NBEA: variants seen among roughly 807,000 people sequenced by gnomAD.
NBEA encodes the protein neurobeachin, also known as lysosomal-trafficking regulator 2.
NBEA carries 44 observed loss-of-function variants against 343.4 expected under a neutral mutation model. The observed-to-expected ratio is 0.13, with a 90% confidence interval of 0.10 to 0.16. The LOEUF (loss-of-function observed/expected upper bound fraction) is 0.16. Among genes scored for constraint, NBEA ranks in the 10% least tolerant of loss-of-function variants. The pLI is 1.00. For synonymous variants in NBEA, 1,175 were observed against 1,238.7 expected (o/e 0.95, Z 1.08); for missense variants, 2,555 against 3,631.3 (o/e 0.70, Z 7.62).
At chr13:35,216,776 C>T (rs1040147300) in intron 33 of NBEA, among the ~76,000 whole-genome samples, 2 of 151,782 alleles carry the variant, frequency 1.3e-5, no homozygotes, top group African/African-American at 2.4e-5. Flanking sequence ...TTCTATGGTA[C>T]GGATGACAGT....
chr13:35,555,247 GA>G (rs1448809183), intron 44 of NBEA, 145 bp downstream of exon 44: 14 of 513,086 alleles, frequency 2.7e-5, no homozygotes, highest in Non-Finnish European at 4.1e-5. Flanking sequence ...AATTTTATCA[GA>G]AACTGTGCAA....
chr13:35,179,925 A>G, intron 28 of NBEA: 1 of 362,380 alleles, frequency 2.8e-6, no homozygotes, highest in Non-Finnish European at 3.8e-6. Context: ...TGCATTTTAA[A>G]CAGTTTGTAA....
At chr13:35,172,256 T>G (rs1278696677) in intron 26 of NBEA, among the ~76,000 whole-genome samples, 1 of 150,972 alleles carries the variant, frequency 6.6e-6, no homozygotes, top group African/African-American at 2.5e-5. Flanking sequence ...TGAAACCTTT[T>G]TTTGTTTGTT....
rs1750667783 is a variant in NBEA at position 35,535,428 on chromosome 13, G to A, written c.6586-15049G>A. On this transcript the variant is annotated intron_variant, in intron 41 of 58. Transcript: ENST00000379939. ...CAGGAAATAATCAGAGCTGATTGGA[G>A]CAATGTGACACACAGAACCAGAGAC... is the stretch of plus-strand genomic sequence containing the variant. Among the ~76,000 whole-genome samples the A allele has an allele frequency of 2.0e-5, 3 of 152,290 alleles. No homozygotes were observed. The South Asian group carries it at 6.2e-4, about 32-fold the overall frequency.
At chr13:35,623,000 C>A (rs78686580) in intron 48 of NBEA, among the ~76,000 whole-genome samples, 10,163 of 152,066 alleles carry the variant, frequency 0.067, 385 homozygotes, top group African/African-American at 0.09. Flanking sequence ...AAGAGATATC[C>A]TCTCTAGTTT....
chr13:35,493,055 A>G (rs981844910), intron 41 of NBEA, among the ~76,000 whole-genome samples: 28 of 151,998 alleles, frequency 1.8e-4, no homozygotes, highest in African/African-American at 6.8e-4. Context: ...AGATTAAGGT[A>G]CAGAATAGAT....
Position 35,109,396 on chromosome 13 carries a change from A to T in NBEA, c.1787A>T (p.Asp596Val). Residue 596 changes from aspartate (D) to valine (V), a missense_variant, in exon 12 of 59, where the codon GAT (aspartate) becomes GTT (valine). Coordinates refer to ENST00000379939, the MANE Select transcript of NBEA (RefSeq NM_001385012.1). ...HGAPLLKQLC[D>V]HILFNPAIWI... is the part of the protein sequence containing the mutation. ...GCACCTTTGCTGAAGCAGCTTTGTGATCACATTTTATTTAACCCAGCCATC... is the reference window on the plus strand; with the variant it reads ...GCACCTTTGCTGAAGCAGCTTTGTGTTCACATTTTATTTAACCCAGCCATC... The T allele has an allele frequency of 6.2e-7, 1 of 1,611,986 alleles. No homozygotes were observed.
chr13:35,541,554 G>A (rs1385953561), intron 41 of NBEA, among the ~76,000 whole-genome samples: 7 of 152,006 alleles, frequency 4.6e-5, no homozygotes, highest in South Asian at 4.1e-4. Context: ...GTTGGGCTTC[G>A]TAGTTAAGAG....
At chr13:35,351,717 T>C (rs1447760452) in intron 37 of NBEA, among the ~76,000 whole-genome samples, 1 of 152,028 alleles carries the variant, frequency 6.6e-6, no homozygotes, top group Non-Finnish European at 1.5e-5. Context: ...GACCACATTT[T>C]CTTCTGTATC....
intron 38 of NBEA, among the ~76,000 whole-genome samples, chr13:35,419,781 A>C (rs1228506032): frequency 9.9e-5 from 15 of 152,014 alleles, no homozygotes; most frequent in Admixed American, 9.8e-4. Context: ...AAGCTCTGAG[A>C]TAGATATCAG....
intron 34 of NBEA, among the ~76,000 whole-genome samples, chr13:35,271,820 G>A (rs2034181127): frequency 6.6e-6 from 1 of 152,132 alleles, no homozygotes; most frequent in Non-Finnish European, 1.5e-5. Flanking sequence ...AGAGTGAAAA[G>A]AAATGAACAA....
At chr13:35,518,598 T>C (rs1225368591) in intron 41 of NBEA, among the ~76,000 whole-genome samples, 1 of 152,200 alleles carries the variant, frequency 6.6e-6, no homozygotes, top group Non-Finnish European at 1.5e-5. Flanking sequence ...GTCATAATTA[T>C]GCCAGACGAT....
chr13:35,550,711 C>G, intron 42 of NBEA, 117 bp downstream of exon 42: 1 of 697,928 alleles, frequency 1.4e-6, no homozygotes, highest in Non-Finnish European at 2.4e-6. Context: ...CTAGCTTAAA[C>G]AAACAGAAAT....
intron 33 of NBEA, among the ~76,000 whole-genome samples, chr13:35,220,130 C>T (rs1259214608): frequency 6.6e-6 from 1 of 152,166 alleles, no homozygotes; most frequent in Non-Finnish European, 1.5e-5. Flanking sequence ...CCAGACAATG[C>T]ATGGCCCTTC....
At chr13:35,214,750 A>T (rs2073970058) in intron 33 of NBEA, among the ~76,000 whole-genome samples, 1 of 151,810 alleles carries the variant, frequency 6.6e-6, no homozygotes, top group Admixed American at 6.6e-5. Context: ...TTTGTAAATC[A>T]TAAGAAATCT....
intron 10 of NBEA, among the ~76,000 whole-genome samples, chr13:35,084,380 GT>G: frequency 6.6e-6 from 1 of 150,800 alleles, no homozygotes; most frequent in Admixed American, 6.6e-5. Flanking sequence ...AACTGAAACT[GT>G]CTCTCAGACC....
intron 48 of NBEA, among the ~76,000 whole-genome samples, chr13:35,623,623 CTA>C (rs2083094246): frequency 6.6e-6 from 1 of 152,014 alleles, no homozygotes; most frequent in African/African-American, 2.4e-5. Flanking sequence ...GGGTAAATAA[CTA>C]TAGACATAAA....
At chr13:35,400,096 G>A (rs2042927125) in intron 38 of NBEA, among the ~76,000 whole-genome samples, 1 of 146,424 alleles carries the variant, frequency 6.8e-6, no homozygotes. Flanking sequence ...AATATCACAA[G>A]AATTACTAAA....
intron 35 of NBEA, among the ~76,000 whole-genome samples, chr13:35,297,229 A>G (rs766265316): frequency 1.3e-5 from 2 of 152,048 alleles, no homozygotes; most frequent in Non-Finnish European, 2.9e-5. Context: ...AATTATTTCA[A>G]ACTCTTTTAT....
Sources: gnomAD v4.1 joint callset for allele counts (sites outside exome capture counted in the v4.1 genomes callset) on GRCh38, gnomAD v4.1.1 for gene constraint, MANE v1.5 for transcripts, NCBI Gene and HGNC (gene_info 2026-07-23, HGNC 2026-07-21) for gene names.